SMYD2: variants seen among roughly 807,000 people sequenced by gnomAD.
SMYD2 encodes the protein SET and MYND domain containing 2, also known as N-lysine methyltransferase SMYD2.
In SMYD2, 53 loss-of-function variants were observed where a neutral mutation model predicts 59.1. The observed-to-expected ratio is 0.90, with a 90% CI of 0.72 to 1.13. The LOEUF is 1.13. SMYD2 is among the 50% of genes most tolerant of loss of function. SMYD2 has a pLI of 0.00. For missense variants in SMYD2, 494 were observed against 544.7 expected (o/e 0.91, Z 0.93); for synonymous variants, 208 against 198.8 (o/e 1.05, Z -0.39).
intron 7 of SMYD2, among the ~76,000 whole-genome samples, chr1:214,328,410 T>C (rs1164977268): frequency 6.6e-6 from 1 of 152,144 alleles, no homozygotes; most frequent in South Asian, 2.1e-4. Context: ...AGAACCAGTC[T>C]TCCCATCACC....
rs1257122409 is a variant in SMYD2 at position 214,288,839 on chromosome 1, T to C, written c.173+7412T>C. On this transcript the variant is annotated intron_variant, in intron 1 of 11. Transcript: ENST00000366957. The stretch of plus-strand genomic sequence containing the variant: ...TGTAGGCTTGGAATATTTTTAATAT[T>C]ACGCTAGGACTAAACCAGAGTTAGT... Among the ~76,000 whole-genome samples the C allele has an allele frequency of 2.0e-5, 3 of 152,138 alleles. No individual in the cohort carries two copies. The East Asian group carries it at 5.8e-4, about 29-fold the overall frequency.
In SMYD2 at chr1:214,324,697, G is replaced by C. The variant is rs144228071; in HGVS notation, c.591G>C (p.Ala197=). ...EDEELSHLGS[A]IFPDVALMNH... is the part of the protein sequence containing the mutation. ...AAGAACTTTCTCATTTGGGATCAGCGATATTTCCTGAGTAGGCTGTGTTTG... is the reference window on the plus strand; with the variant it reads ...AAGAACTTTCTCATTTGGGATCAGCCATATTTCCTGAGTAGGCTGTGTTTG... Residue 197 remains alanine (A), a synonymous_variant, in exon 6 of 12, where the codon GCG becomes GCC. Coordinates refer to ENST00000366957, the MANE Select transcript of SMYD2 (RefSeq NM_020197.3). The C allele has an allele frequency of 1.2e-6, 2 of 1,612,460 alleles. No homozygotes were observed. The highest frequency in any genetic ancestry group is 1.3e-5 in the African/African-American group (1 of 74,962).
chr1:214,314,906 A>G, intron 3 of SMYD2, 34 bp downstream of exon 3: 1 of 1,532,136 alleles, frequency 6.5e-7, no homozygotes, highest in Non-Finnish European at 9.0e-7. Flanking sequence ...AGTGCATTTT[A>G]TTTTGTTTTT....
At chr1:214,294,238 G>A (rs946369093) in intron 1 of SMYD2, among the ~76,000 whole-genome samples, 2 of 152,174 alleles carry the variant, frequency 1.3e-5, no homozygotes, top group African/African-American at 4.8e-5. Flanking sequence ...AGTTTTCAAG[G>A]TAAAGTCCAC....
At chr1:214,332,860 G>A (rs1657377865) in intron 10 of SMYD2, 1 of 152,062 alleles carries the variant, frequency 6.6e-6, no homozygotes, top group Non-Finnish European at 1.5e-5. Context: ...GATCACTGGA[G>A]CTCTTTTTAA....
At chr1:214,316,613 A>G (rs1657089718) in intron 3 of SMYD2, among the ~76,000 whole-genome samples, 1 of 152,174 alleles carries the variant, frequency 6.6e-6, no homozygotes, top group Non-Finnish European at 1.5e-5. Flanking sequence ...AATGATTAGC[A>G]TGTATCTGTC....
At position 214,281,365 on chromosome 1, in the gene SMYD2, G is replaced by A. The variant is rs538238350; in HGVS notation, c.111G>A (p.Pro37=). The change falls in exon 1 of 12, where the codon CCG becomes CCA. Residue 37 remains proline (P), a synonymous_variant. Transcript: ENST00000366957. ...TGGGGGACTTGCTGTTCTCCTGCCC[G>A]GCCTATGCCTACGTGCTCACGGTCA... ...FQVGDLLFSC[P]AYAYVLTVNE... 4.1e-6 allele frequency: 6 copies of A among 1,457,302 alleles called. No individual in the cohort carries two copies. The highest frequency in any genetic ancestry group is 4.6e-6 in the Non-Finnish European group (5 of 1,096,502). The allele number at this position is 1,457,302 out of a possible 1,614,324, so 90.3% of individuals were successfully genotyped here. A position where few individuals can be genotyped will look rare whatever the true frequency, so the allele number is the denominator to read the frequency against.
At chr1:214,328,623 G>A (rs778203306) in intron 7 of SMYD2, among the ~76,000 whole-genome samples, 44 of 152,200 alleles carry the variant, frequency 2.9e-4, no homozygotes, top group Non-Finnish European at 5.3e-4. Context: ...GCTATTTTAC[G>A]GTGCATGCCT....
At chr1:214,313,461 C>T (rs757411105) in intron 2 of SMYD2, among the ~76,000 whole-genome samples, 1 of 151,394 alleles carries the variant, frequency 6.6e-6, no homozygotes, top group African/African-American at 2.4e-5. Context: ...GTGAAAGAGA[C>T]AGTGTGTAAG....
At position 214,281,352 on chromosome 1, in the gene SMYD2, T is replaced by C; in HGVS notation, c.98T>C (p.Leu33Pro). Residue 33 changes from leucine to proline, a missense_variant, in exon 1 of 12, where the codon CTG (leucine) becomes CCG (proline). Physicochemically the swap from Leu to Pro is moderately conservative, Grantham distance 98 (BLOSUM62 -3). Coordinates refer to ENST00000366957, the MANE Select transcript of SMYD2 (RefSeq NM_020197.3). The part of the protein sequence containing the change: ...ALQPFQVGDL[L>P]FSCPAYAYVL... ...CAGCCCTTCCAGGTGGGGGACTTGC[T>C]GTTCTCCTGCCCGGCCTATGCCTAC... The C allele has an allele frequency of 6.9e-7, 1 of 1,452,758 alleles. No individual in the cohort carries two copies. The highest frequency in any genetic ancestry group is 1.5e-5 in the African/African-American group (1 of 68,768). 90.0% of individuals were successfully genotyped at this position (1,452,758 alleles called of 1,614,324 possible).
rs1042746637 is a variant in SMYD2 at position 214,318,428 on chromosome 1, A to G, written c.409+289A>G. Among the ~76,000 whole-genome samples the G allele has an allele frequency of 1.3e-5, 2 of 152,114 alleles. No homozygotes were observed. Among genetic ancestry groups the G allele is most frequent in the African/African-American group, 2.4e-5 (1 of 41,428 alleles). On this transcript the variant is annotated intron_variant, in intron 4 of 11. Coordinates refer to ENST00000366957, the MANE Select transcript of SMYD2 (RefSeq NM_020197.3). This position sits in a 1 kb window ranked among gnomAD's most constrained non-coding sequence, Gnocchi z 5.4. ...CTCTTGGCATGCTGAATACTTTTGGATCTTTGCTGAATTGCGTCCTCTAAA... is the reference window on the plus strand; with the variant it reads ...CTCTTGGCATGCTGAATACTTTTGGGTCTTTGCTGAATTGCGTCCTCTAAA...
Position 214,281,372 on chromosome 1 carries a change from G to A in SMYD2, c.118G>A (p.Ala40Thr), listed in dbSNP as rs2102448300. 6.8e-7 allele frequency: 1 copy of A among 1,461,630 alleles called. No individual in the cohort carries two copies. The allele number at this position is 1,461,630 out of a possible 1,614,324, so 90.5% of individuals were successfully genotyped here. ...GDLLFSCPAY[A>T]YVLTVNERGN... ...CTTGCTGTTCTCCTGCCCGGCCTATGCCTACGTGCTCACGGTCAACGAGCG... is the reference window on the plus strand; with the variant it reads ...CTTGCTGTTCTCCTGCCCGGCCTATACCTACGTGCTCACGGTCAACGAGCG... Residue 40 changes from alanine (A) to threonine (T), a missense_variant, in exon 1 of 12, where the codon GCC becomes ACC. Ala to Thr is a moderately conservative substitution (Grantham distance 58). Coordinates refer to ENST00000366957, the MANE Select transcript of SMYD2 (RefSeq NM_020197.3).
chr1:214,298,762 A>G (rs1226435358), intron 1 of SMYD2, among the ~76,000 whole-genome samples: 1 of 152,236 alleles, frequency 6.6e-6, no homozygotes, highest in African/African-American at 2.4e-5. Flanking sequence ...ACATGAAAAA[A>G]TGTTCAACAT....
At position 214,330,214 on chromosome 1, in the gene SMYD2, A is replaced by G; in HGVS notation, c.752A>G (p.Asn251Ser). Reference protein sequence around the residue: ...IDLLYPTEDRNDRLRDSYFFT... With the variant: ...IDLLYPTEDRSDRLRDSYFFT... ...CTCCTGTACCCAACGGAAGATAGAAATGACCGGTTAAGAGATTCTTATTTC... is the reference window on the plus strand; with the variant it reads ...CTCCTGTACCCAACGGAAGATAGAAGTGACCGGTTAAGAGATTCTTATTTC... Residue 251 changes from asparagine to serine, a missense_variant, in exon 8 of 12, where the codon AAT becomes AGT. Physicochemically the swap from Asn to Ser is conservative, Grantham distance 46. Coordinates refer to ENST00000366957, the MANE Select transcript of SMYD2 (RefSeq NM_020197.3). 1.2e-6 allele frequency: 2 copies of G among 1,613,628 alleles called. No individual in the cohort carries two copies. Among genetic ancestry groups the G allele is most frequent in the Non-Finnish European group, 1.7e-6 (2 of 1,179,680 alleles).
intron 1 of SMYD2, among the ~76,000 whole-genome samples, chr1:214,289,225 T>C (rs902345107): frequency 8.5e-5 from 13 of 152,232 alleles, no homozygotes; most frequent in Non-Finnish European, 1.6e-4. Context: ...AAATTGTCTC[T>C]TTTAGGATTT....
Position 214,293,859 on chromosome 1 carries a change from A to G in SMYD2, c.174-11328A>G, listed in dbSNP as rs139768942. Among the ~76,000 whole-genome samples the G allele has an allele frequency of 7.9e-4, 120 of 152,192 alleles. No homozygotes were observed. The East Asian group carries it at 0.017, about 22-fold the overall frequency. On this transcript the variant is annotated intron_variant, in intron 1 of 11. Transcript: ENST00000366957. ...GCCCAGTTAATTTTGTATTTTTACT[A>G]GTGACGGGGTTTCTCCATGTTGGTC...
chr1:214,327,509 A>T (rs115367134), intron 6 of SMYD2, 113 bp from the exon 7 acceptor site: 40,551 of 848,188 alleles, frequency 0.048, 1,520 homozygotes, highest in South Asian at 0.15. Context: ...TTAGATTTTT[A>T]AAAAATGTCT....
At chr1:214,308,294 A>G (rs531196635) in intron 2 of SMYD2, among the ~76,000 whole-genome samples, 15 of 152,366 alleles carry the variant, frequency 9.8e-5, no homozygotes, top group African/African-American at 3.6e-4. Flanking sequence ...GAAAAGGCTA[A>G]TGACCATTAA....
At position 214,299,248 on chromosome 1, in the gene SMYD2, G is replaced by T. The variant is rs145325393; in HGVS notation, c.174-5939G>T. ...GTTGGTGGGAATATAAATTAGTTCA[G>T]CCACTGTAGAAAGCAGTTTGGAGAT... On this transcript the variant is annotated intron_variant, in intron 1 of 11. Coordinates refer to ENST00000366957, the MANE Select transcript of SMYD2 (RefSeq NM_020197.3). Among the ~76,000 whole-genome samples the T allele has an allele frequency of 5.9e-4, 90 of 152,284 alleles. 1 individual carries two copies. The highest frequency in any genetic ancestry group is 2.0e-3 in the African/African-American group (85 of 41,558).
Sources: allele counts gnomAD v4.1 joint callset (sites outside exome capture counted in the v4.1 genomes callset), GRCh38; gene constraint gnomAD v4.1.1; non-coding constraint Gnocchi (gnomAD v3.1); transcripts MANE v1.5; gene names NCBI Gene and HGNC (gene_info 2026-07-23, HGNC 2026-07-21).